The following PDCL2 variants were observed in gnomAD, a reference collection of about 807,000 sequenced individuals.
PDCL2 encodes phosducin like 2.
In PDCL2, 23 loss-of-function variants were observed where a neutral mutation model predicts 30.3. That is an observed-to-expected ratio of 0.76 (90% CI 0.55 to 1.08). The LOEUF (loss-of-function observed/expected upper bound fraction) is 1.08. Ranked by LOEUF, PDCL2 falls within the 50% of genes least tolerant of loss-of-function variation. The probability of loss-of-function intolerance (pLI) is 0.00; values close to 1 mark genes in which losing one functional copy is unlikely to be tolerated. For missense variants in PDCL2, 243 were observed against 282.3 expected (o/e 0.86, Z 1.00); for synonymous variants, 68 against 86.2 (o/e 0.79, Z 1.17).
intron 5 of PDCL2, among the ~76,000 whole-genome samples, chr4:55,561,299 C>T (rs73155701): frequency 0.016 from 2,498 of 152,162 alleles, 64 homozygotes; most frequent in African/African-American, 0.058. Context: ...CAGAGGCTCA[C>T]GTCCGTAATC....
At chr4:55,588,366 G>A (rs1732913159) in intron 1 of PDCL2, among the ~76,000 whole-genome samples, 1 of 152,210 alleles carries the variant, frequency 6.6e-6, no homozygotes, top group African/African-American at 2.4e-5. Context: ...CACTGAGCCA[G>A]ACTAAATTGT....
chr4:55,568,585 G>T (rs968005698), intron 4 of PDCL2, among the ~76,000 whole-genome samples: 7 of 152,164 alleles, frequency 4.6e-5, no homozygotes, highest in Admixed American at 1.3e-4. Flanking sequence ...AATTTTGTTA[G>T]GTGAGAAAAT....
At chr4:55,568,669 A>C (rs573179745) in intron 4 of PDCL2, among the ~76,000 whole-genome samples, 9 of 152,336 alleles carry the variant, frequency 5.9e-5, no homozygotes, top group Non-Finnish European at 1.2e-4. Flanking sequence ...CCACTCTGGC[A>C]TAAGGATTAT....
intron 3 of PDCL2, among the ~76,000 whole-genome samples, chr4:55,570,617 T>C (rs1732396631): frequency 1.3e-5 from 2 of 152,016 alleles, no homozygotes; most frequent in South Asian, 4.2e-4. Flanking sequence ...AAATAATACA[T>C]GTAAATTTCT....
intron 3 of PDCL2, among the ~76,000 whole-genome samples, chr4:55,572,182 G>A (rs888874572): frequency 6.6e-6 from 1 of 152,108 alleles, no homozygotes; most frequent in Non-Finnish European, 1.5e-5. Flanking sequence ...AATGGCCTGC[G>A]TTTTTCACCT....
chr4:55,592,067 G>C (rs754076461), intron 1 of PDCL2, 37 bp downstream of exon 1: 7 of 1,607,606 alleles, frequency 4.4e-6, no homozygotes, highest in Non-Finnish European at 5.9e-6. Flanking sequence ...AGACCCACTG[G>C]GTGTTCCAGG....
At chr4:55,560,099 A>G (rs1365067059) in intron 5 of PDCL2, among the ~76,000 whole-genome samples, 1 of 150,594 alleles carries the variant, frequency 6.6e-6, no homozygotes, top group African/African-American at 2.4e-5. Flanking sequence ...GCTTAAAAAT[A>G]GTTAAGATGG....
At chr4:55,581,629 T>C (rs181862445) in intron 2 of PDCL2, among the ~76,000 whole-genome samples, 22 of 152,352 alleles carry the variant, frequency 1.4e-4, no homozygotes, top group Admixed American at 4.6e-4. Context: ...ATTTTCAACA[T>C]GTGAAATTAG....
intron 3 of PDCL2, among the ~76,000 whole-genome samples, chr4:55,571,604 T>G (rs71627106): frequency 0.014 from 474 of 33,770 alleles, 6 homozygotes; most frequent in East Asian, 0.025. Context: ...GGAGAATCAC[T>G]TGAACCCGGG....
intron 1 of PDCL2, among the ~76,000 whole-genome samples, chr4:55,590,459 CAAA>C (rs60866606): frequency 5.2e-5 from 5 of 95,746 alleles, no homozygotes; most frequent in Non-Finnish European, 9.8e-5. Context: ...ATCCTGTCTC[CAAA>C]AAAAAAAAAA....
chr4:55,568,576 A>G (rs2110156846), intron 4 of PDCL2, among the ~76,000 whole-genome samples: 1 of 152,140 alleles, frequency 6.6e-6, no homozygotes, highest in African/African-American at 2.4e-5. Context: ...ATTACTGTTA[A>G]TTTTGTTAGG....
intron 4 of PDCL2, among the ~76,000 whole-genome samples, chr4:55,566,183 T>C (rs1410923780): frequency 6.6e-6 from 1 of 151,770 alleles, no homozygotes; most frequent in African/African-American, 2.4e-5. Context: ...GGTTTTGCCA[T>C]GTTGGCCAGG....
At chr4:55,584,812 GA>G (rs1732817745) in intron 1 of PDCL2, among the ~76,000 whole-genome samples, 2 of 152,026 alleles carry the variant, frequency 1.3e-5, no homozygotes, top group Admixed American at 6.5e-5. Context: ...CCTTGTCTAC[GA>G]AAAAAACCTT....
chr4:55,561,115 A>G (rs190186274), intron 5 of PDCL2, among the ~76,000 whole-genome samples: 1 of 152,238 alleles, frequency 6.6e-6, no homozygotes, highest in East Asian at 1.9e-4. Context: ...TTAATTAAAA[A>G]GAAAAGGTCC....
At position 55,582,196 on chromosome 4, in the gene PDCL2, A is replaced by C. The variant is rs754070173; in HGVS notation, c.48T>G (p.Asp16Glu). ...CTTCTTTAGGAGGAAGAATGCCGAAATCTCTTAAAATGTCATTCCATTCTG... is the reference window on the plus strand; with the variant it reads ...CTTCTTTAGGAGGAAGAATGCCGAACTCTCTTAAAATGTCATTCCATTCTG... ...EDTEWNDILR[D>E]FGILPPKEES... Residue 16 changes from aspartate to glutamate, a missense_variant, in exon 2 of 6, where the codon GAT becomes GAG. Transcript: ENST00000295645. The C allele has an allele frequency of 6.2e-7, 1 of 1,611,968 alleles. No individual in the cohort carries two copies. The highest frequency in any genetic ancestry group is 1.1e-5 in the South Asian group (1 of 90,662).
At chr4:55,560,189 A>G (rs113766103) in intron 5 of PDCL2, among the ~76,000 whole-genome samples, 36 of 138,280 alleles carry the variant, frequency 2.6e-4, no homozygotes, top group East Asian at 6.8e-4. Context: ...TCAAAAAAAA[A>G]GGGGGGGGGG....
chr4:55,567,889 T>G (rs1191689280), intron 4 of PDCL2, among the ~76,000 whole-genome samples: 1 of 152,206 alleles, frequency 6.6e-6, no homozygotes, highest in African/African-American at 2.4e-5. Context: ...AATTATATTT[T>G]GTGCCCCAGC....
chr4:55,562,583 T>C lies in PDCL2; in HGVS notation c.392A>G (p.His131Arg). Residue 131 changes from histidine (H) to arginine (R), a missense_variant, in exon 5 of 6, where the codon CAT becomes CGT. By Grantham distance (29) the His-to-Arg change is conservative. Transcript: ENST00000295645. ...SIPMCLLVNQ[H>R]LSLLARKFPE... The stretch of plus-strand genomic sequence containing the variant: ...AAACTTTCTTGCTAGAAGACTAAGA[T>C]GCTGGTTAACCAACAAACACATTGG... 1 of 1,599,568 alleles carries C rather than the reference T, an allele frequency of 6.3e-7. No individual in the cohort carries two copies. Among genetic ancestry groups the C allele is most frequent in the Non-Finnish European group, 8.5e-7 (1 of 1,174,068 alleles).
At chr4:55,581,217 C>T (rs1223400527) in intron 2 of PDCL2, among the ~76,000 whole-genome samples, 1 of 152,066 alleles carries the variant, frequency 6.6e-6, no homozygotes, top group African/African-American at 2.4e-5. Flanking sequence ...ATCACTTGAA[C>T]CCGAATGGCT....
Sources: gnomAD v4.1 joint callset for allele counts (sites outside exome capture counted in the v4.1 genomes callset) on GRCh38, gnomAD v4.1.1 for gene constraint, MANE v1.5 for transcripts, NCBI Gene and HGNC (gene_info 2026-07-23, HGNC 2026-07-21) for gene names.